PCDHA1: variants seen among roughly 807,000 people sequenced by gnomAD.
PCDHA1 encodes protocadherin alpha 1.
PCDHA1 carries 42 observed loss-of-function variants against 61.3 expected under a neutral mutation model. The observed-to-expected ratio is 0.69, with a 90% CI of 0.54 to 0.89. PCDHA1 has a LOEUF of 0.89. Among genes scored for constraint, PCDHA1 ranks in the 40% least tolerant of loss-of-function variants. PCDHA1 has a pLI of 0.00. For synonymous variants in PCDHA1, 610 were observed against 553.8 expected, an observed-to-expected ratio of 1.10 and a Z score of -1.43; for missense variants, 1,256 against 1,235.3, an observed-to-expected ratio of 1.02 and a Z score of -0.25.
In PCDHA1 at chr5:140,944,181, G is replaced by A. The variant is rs112665762; in HGVS notation, c.2395-34768G>A. 4.3e-3 allele frequency among the ~76,000 whole-genome samples: 661 copies of A among 151,992 alleles called. 7 individuals are homozygous for A. Among genetic ancestry groups the A allele is most frequent in the African/African-American group, 0.015 (616 of 41,488 alleles). On this transcript the variant is annotated intron_variant, in intron 1 of 3. Coordinates refer to ENST00000504120, the MANE Select transcript of PCDHA1 (RefSeq NM_018900.4). ...AAAGGGCCAAGGCTGGTTTTTTGTTGGTTTGTTTTGTTTTGTTTTGTTTTT... is the reference window on the plus strand; with the variant it reads ...AAAGGGCCAAGGCTGGTTTTTTGTTAGTTTGTTTTGTTTTGTTTTGTTTTT...
rs566725560 is a variant in PCDHA1, at chr5:140,929,099, G to T, written c.2395-49850G>T. The T allele has an allele frequency of 9.3e-6, 15 of 1,614,170 alleles. No homozygotes were observed. The African/African-American group carries it at 1.9e-4, about 20-fold the overall frequency. ...GGAAGTAAGATGGTTTCAAATCCTT[G>T]CATGACATCAGCCACCATAGATGTC... On this transcript the variant is annotated intron_variant, in intron 1 of 3. Transcript: ENST00000504120.
chr5:140,865,396 A>G (rs1280770279), intron 1 of PCDHA1: 1 of 152,234 alleles, frequency 6.6e-6, no homozygotes, highest in Non-Finnish European at 1.5e-5. Context: ...GTTAATATAA[A>G]TGCTGAAAAG....
At position 140,862,713 on chromosome 5, in the gene PCDHA1, C is replaced by A. The variant is rs573467283; in HGVS notation, c.2394+74029C>A. 517 of 561,852 alleles carry A rather than the reference C, an allele frequency of 9.2e-4. 1 individual carries two copies. The highest frequency in any genetic ancestry group is 1.7e-3 in the Non-Finnish European group (476 of 284,834). 34.8% of individuals were successfully genotyped at this position (561,852 alleles called of 1,614,324 possible). ...ACTCGTTGATGGAACAGCGGGTGGG[C>A]GAGTGCGCGCTGTCTAGCTATGTGT... On this transcript the variant is annotated intron_variant, in intron 1 of 3. Transcript: ENST00000504120.
intron 1 of PCDHA1, chr5:140,883,195 T>A (rs781816525): frequency 6.2e-7 from 1 of 1,613,786 alleles, no homozygotes; most frequent in Non-Finnish European, 8.5e-7. Context: ...GCAAACTAGA[T>A]TTCGAAGAAA....
Position 140,939,297 on chromosome 5 carries a change from T to C in PCDHA1, c.2395-39652T>C, listed in dbSNP as rs116782192. Among the ~76,000 whole-genome samples the C allele has an allele frequency of 5.4e-3, 827 of 152,242 alleles. 3 individuals are homozygous for C. The highest frequency in any genetic ancestry group is 0.019 in the African/African-American group (796 of 41,542). ...TGTGCCCTCGTGATCTAATCATCTC[T>C]ACAAAAGCCCTACCTCCTAATATCA... On this transcript the variant is annotated intron_variant, in intron 1 of 3. Coordinates refer to ENST00000504120, the MANE Select transcript of PCDHA1 (RefSeq NM_018900.4).
At chr5:140,986,005 C>G (rs912493095) in intron 3 of PCDHA1, among the ~76,000 whole-genome samples, 1 of 152,040 alleles carries the variant, frequency 6.6e-6, no homozygotes, top group African/African-American at 2.4e-5. Flanking sequence ...TCCCAAAGTG[C>G]TGGGATTACA....
intron 1 of PCDHA1, chr5:140,859,802 T>G (rs1318090519): frequency 6.6e-6 from 1 of 152,544 alleles, no homozygotes; most frequent in Non-Finnish European, 1.5e-5. Flanking sequence ...TTATAGATGC[T>G]AAGTTAATGC....
In PCDHA1 at chr5:140,850,498, C is replaced by G; in HGVS notation, c.2394+61814C>G. The G allele has an allele frequency of 1.3e-6, 2 of 1,598,138 alleles. 1 individual carries two copies. The highest frequency in any genetic ancestry group is 4.5e-5 in the East Asian group (2 of 44,830). ...ACGGCCACGGCCACTGTGCTGGTGT[C>G]GCTGGTGGAGAGCGGCCAGGCGCCA... On this transcript the variant is annotated intron_variant, in intron 1 of 3. Transcript: ENST00000504120.
In PCDHA1 at chr5:140,839,005, A is replaced by G. The variant is rs182308106; in HGVS notation, c.2394+50321A>G. On this transcript the variant is annotated intron_variant, in intron 1 of 3. Transcript: ENST00000504120. ...TGTTCCTAATATTCTAATATACTTT[A>G]GTAAATTATTTTAGGATATGTTACT... Among the ~76,000 whole-genome samples, 398 of 152,230 alleles carry G rather than the reference A, an allele frequency of 2.6e-3. 4 individuals are homozygous for G. The highest frequency in any genetic ancestry group is 9.1e-3 in the African/African-American group (377 of 41,530).
In PCDHA1 at chr5:140,852,553, G is replaced by A. The variant is rs1414701990; in HGVS notation, c.2394+63869G>A. On this transcript the variant is annotated intron_variant, in intron 1 of 3. Coordinates refer to ENST00000504120, the MANE Select transcript of PCDHA1 (RefSeq NM_018900.4). ...GGCCTCCCAAAGTGCTGGGATTAAA[G>A]CTGTGAGCCACTGTGCCAAGGCTTT... is the stretch of plus-strand genomic sequence containing the variant. 2.0e-5 allele frequency: 13 copies of A among 647,952 alleles called. 1 individual carries two copies. The highest frequency in any genetic ancestry group is 2.2e-5 in the Non-Finnish European group (11 of 508,652). The allele number at this position is 647,952 out of a possible 1,614,324, so 40.1% of individuals were successfully genotyped here.
In PCDHA1 at chr5:140,788,019, G is replaced by A; in HGVS notation, c.1729G>A (p.Val577Ile). 6.2e-7 allele frequency: 1 copy of A among 1,614,032 alleles called. No homozygotes were observed. Among genetic ancestry groups the A allele is most frequent in the Non-Finnish European group, 8.5e-7 (1 of 1,179,908 alleles). Residue 577 changes from valine (V) to isoleucine (I), a missense_variant, in exon 1 of 4, where the codon GTC becomes ATC. Transcript: ENST00000504120. ...APRVGGTIGA[V>I]SELVPRLVGA... ...TCGAGTGGGTGGCACTATTGGTGCAGTCAGTGAGCTGGTGCCGCGATTGGT... is the reference window on the plus strand; with the variant it reads ...TCGAGTGGGTGGCACTATTGGTGCAATCAGTGAGCTGGTGCCGCGATTGGT...
intron 1 of PCDHA1, among the ~76,000 whole-genome samples, chr5:140,899,251 G>T (rs1322090098): frequency 2.6e-5 from 4 of 152,082 alleles, no homozygotes; most frequent in African/African-American, 9.7e-5. Flanking sequence ...GTGAGAGAGG[G>T]CATCCCTGTC....
intron 1 of PCDHA1, chr5:140,825,809 T>A (rs1318572939): frequency 6.6e-6 from 1 of 152,498 alleles, no homozygotes; most frequent in African/African-American, 2.4e-5. Flanking sequence ...TTACTGCTTG[T>A]TGTTACTTTT....
At position 140,797,511 on chromosome 5, in the gene PCDHA1, C is replaced by T. The variant is rs971529071; in HGVS notation, c.2394+8827C>T. 11 of 868,494 alleles carry T rather than the reference C, an allele frequency of 1.3e-5. No homozygotes were observed. The African/African-American group carries it at 1.9e-4, about 15-fold the overall frequency. 53.8% of individuals were successfully genotyped at this position (868,494 alleles called of 1,614,324 possible). A position where few individuals can be genotyped will look rare whatever the true frequency, so the allele number is the denominator to read the frequency against. On this transcript the variant is annotated intron_variant, in intron 1 of 3. Coordinates refer to ENST00000504120, the MANE Select transcript of PCDHA1 (RefSeq NM_018900.4). ...ATTAGAGATCAATTTATTGCATTTA[C>T]TGAACAATTTATTTAAACAATCTAC...
intron 1 of PCDHA1, among the ~76,000 whole-genome samples, chr5:140,934,682 A>G (rs2089985981): frequency 6.6e-6 from 1 of 152,156 alleles, no homozygotes; most frequent in Non-Finnish European, 1.5e-5. Flanking sequence ...AGTATTCAAA[A>G]CAATGAATTG....
intron 1 of PCDHA1, among the ~76,000 whole-genome samples, chr5:140,902,107 T>G (rs2069104126): frequency 6.6e-6 from 1 of 152,174 alleles, no homozygotes; most frequent in African/African-American, 2.4e-5. Flanking sequence ...CTTTAGATTT[T>G]TTTAAAACTG....
At chr5:140,891,218 A>G (rs1554184722) in intron 1 of PCDHA1, among the ~76,000 whole-genome samples, 1 of 152,044 alleles carries the variant, frequency 6.6e-6, no homozygotes, top group African/African-American at 2.4e-5. Flanking sequence ...CTGTGTCTTT[A>G]TAATCATCCT....
At chr5:140,883,272 C>T in intron 1 of PCDHA1, 1 of 1,613,880 alleles carries the variant, frequency 6.2e-7, no homozygotes, top group Non-Finnish European at 8.5e-7. Context: ...GGTCATTGTA[C>T]CCTTTTGGTG....
intron 3 of PCDHA1, among the ~76,000 whole-genome samples, chr5:140,999,234 G>T (rs1327126129): frequency 1.3e-5 from 2 of 152,232 alleles, no homozygotes; most frequent in African/African-American, 4.8e-5. Context: ...AGAATAGGTG[G>T]TTAAAGTGGG....
Sources: gnomAD v4.1 joint callset for allele counts (sites outside exome capture counted in the v4.1 genomes callset) on GRCh38, gnomAD v4.1.1 for gene constraint, MANE v1.5 for transcripts, NCBI Gene and HGNC (gene_info 2026-07-23, HGNC 2026-07-21) for gene names.